The following LYPD6 variants were observed in gnomAD, a reference collection of about 807,000 sequenced individuals.
The protein encoded by LYPD6 is ly6/PLAUR domain-containing protein 6.
In LYPD6, 15 loss-of-function variants were observed where a neutral mutation model predicts 22.7. That is an observed-to-expected ratio of 0.66 (90% CI 0.44 to 1.02). The LOEUF (loss-of-function observed/expected upper bound fraction) is 1.02. Among genes scored for constraint, LYPD6 ranks in the 50% least tolerant of loss-of-function variants. LYPD6 has a pLI of 0.00. For missense variants in LYPD6, 189 were observed against 208.4 expected, an observed-to-expected ratio of 0.91 and a Z score of 0.57; for synonymous variants, 72 against 77.5, an observed-to-expected ratio of 0.93 and a Z score of 0.37.
chr2:149,372,956 T>C (rs1246224285), intron 1 of LYPD6, among the ~76,000 whole-genome samples: 2 of 152,182 alleles, frequency 1.3e-5, no homozygotes, highest in African/African-American at 4.8e-5. Context: ...AGTGTAAACC[T>C]TTCTGGAGTT....
At chr2:149,333,742 C>A (rs1035071714) in intron 1 of LYPD6, among the ~76,000 whole-genome samples, 4 of 152,136 alleles carry the variant, frequency 2.6e-5, no homozygotes, top group Non-Finnish European at 5.9e-5. Context: ...TGGGATGGGA[C>A]CTTACACCTA....
At chr2:149,369,572 C>T (rs997345899) in intron 1 of LYPD6, among the ~76,000 whole-genome samples, 1 of 152,074 alleles carries the variant, frequency 6.6e-6, no homozygotes, top group Non-Finnish European at 1.5e-5. Context: ...TGAGGGCCCA[C>T]CCTGGCTGTA....
chr2:149,407,338 G>A (rs569249044), intron 1 of LYPD6, among the ~76,000 whole-genome samples: 52 of 152,250 alleles, frequency 3.4e-4, no homozygotes, highest in Middle Eastern at 3.4e-3. Context: ...TTTCCAACTT[G>A]GTTCCATCCT....
In LYPD6 at chr2:149,336,928, C is replaced by CTTT. The variant is rs59618488; in HGVS notation, c.-72+6206_-72+6207insTTT. 3.4e-5 allele frequency among the ~76,000 whole-genome samples: 5 copies of CTTT among 148,566 alleles called. No individual in the cohort carries two copies. The East Asian group carries it at 9.9e-4, about 30-fold the overall frequency. On this transcript the variant is annotated intron_variant, in intron 1 of 4. Coordinates refer to ENST00000334166, the MANE Select transcript of LYPD6 (RefSeq NM_194317.5). Reference sequence around the variant, plus strand: ...TAAAAAGGGCAGCATGTTGAAATAACGTGTGTGTGTGTGTGTGTGTGTGTG... The same window carrying CTTT: ...TAAAAAGGGCAGCATGTTGAAATAACTTTGTGTGTGTGTGTGTGTGTGTGTGTG...
At chr2:149,437,868 A>T in intron 2 of LYPD6, 42 bp downstream of exon 2, 1 of 1,604,216 alleles carries the variant, frequency 6.2e-7, no homozygotes, top group East Asian at 2.2e-5. Flanking sequence ...ACTTTATTTC[A>T]AATAAGAAGT....
intron 1 of LYPD6, among the ~76,000 whole-genome samples, chr2:149,346,011 A>G (rs540693543): frequency 6.6e-6 from 1 of 152,228 alleles, no homozygotes; most frequent in South Asian, 2.1e-4. Flanking sequence ...TACTAGTCTC[A>G]AGCCCTGGCA....
chr2:149,382,608 A>G (rs1454331971), intron 1 of LYPD6, among the ~76,000 whole-genome samples: 2 of 152,142 alleles, frequency 1.3e-5, no homozygotes, highest in African/African-American at 4.8e-5. Context: ...ATTACTCTCT[A>G]TACCATAAAT....
intron 1 of LYPD6, among the ~76,000 whole-genome samples, chr2:149,421,509 G>C (rs1683079121): frequency 6.6e-6 from 1 of 151,548 alleles, no homozygotes; most frequent in African/African-American, 2.4e-5. Flanking sequence ...ATTACAGAAA[G>C]CACCTATGGA....
At chr2:149,392,468 G>A (rs1179113175) in intron 1 of LYPD6, among the ~76,000 whole-genome samples, 1 of 152,172 alleles carries the variant, frequency 6.6e-6, no homozygotes, top group Admixed American at 6.5e-5. Flanking sequence ...AGTGGGACTT[G>A]TGAATGCTTG....
chr2:149,458,268 G>A (rs1681011231), intron 3 of LYPD6, among the ~76,000 whole-genome samples: 1 of 152,176 alleles, frequency 6.6e-6, no homozygotes, highest in African/African-American at 2.4e-5. Flanking sequence ...TGGAGACCGT[G>A]TTAGGGAGCC....
chr2:149,449,205 T>C, intron 3 of LYPD6, 58 bp downstream of exon 3: 1 of 1,186,380 alleles, frequency 8.4e-7, no homozygotes, highest in Non-Finnish European at 1.2e-6. Flanking sequence ...GAACAGCCCT[T>C]TTGACTTTGG....
chr2:149,337,290 C>A (rs567113536), intron 1 of LYPD6, among the ~76,000 whole-genome samples: 1 of 152,240 alleles, frequency 6.6e-6, no homozygotes, highest in Non-Finnish European at 1.5e-5. Flanking sequence ...ATAAGAGTTT[C>A]TAGGGCCCAT....
chr2:149,447,360 AAGGCAGGAAG>A, intron 2 of LYPD6, among the ~76,000 whole-genome samples: 1 of 152,262 alleles, frequency 6.6e-6, no homozygotes, highest in South Asian at 2.1e-4. Context: ...GTTCCTTCTG[AAGGCAGGAAG>A]AGGCAACTCA....
At chr2:149,412,922 A>G (rs866644889) in intron 1 of LYPD6, among the ~76,000 whole-genome samples, 1 of 152,206 alleles carries the variant, frequency 6.6e-6, no homozygotes, top group South Asian at 2.1e-4. Context: ...TGCTCTCCAT[A>G]CTACCTTTTG....
rs370334749 is a variant in LYPD6 at position 149,387,902 on chromosome 2, C to A, written c.-71-49736C>A. The stretch of plus-strand genomic sequence containing the variant: ...CTTGGCCTATGGAAGGTGGGGTCTA[C>A]ATGAAATATGACCTTGGTGTTATAC... On this transcript the variant is annotated intron_variant, in intron 1 of 4. Coordinates refer to ENST00000334166, the MANE Select transcript of LYPD6 (RefSeq NM_194317.5). Among the ~76,000 whole-genome samples, 8 of 152,202 alleles carry A rather than the reference C, an allele frequency of 5.3e-5. No homozygotes were observed. The East Asian group carries it at 7.7e-4, about 15-fold the overall frequency.
At chr2:149,349,803 G>GTCT in intron 1 of LYPD6, among the ~76,000 whole-genome samples, 1 of 152,100 alleles carries the variant, frequency 6.6e-6, no homozygotes, top group Non-Finnish European at 1.5e-5. Flanking sequence ...AGGTCATCTT[G>GTCT]TCTTTCAAAA....
At chr2:149,355,872 A>G (rs749299875) in intron 1 of LYPD6, among the ~76,000 whole-genome samples, 1 of 151,886 alleles carries the variant, frequency 6.6e-6, no homozygotes, top group Non-Finnish European at 1.5e-5. Context: ...TTTCTCTTTC[A>G]CTTGACTTAC....
intron 1 of LYPD6, among the ~76,000 whole-genome samples, chr2:149,369,947 G>T (rs945503455): frequency 6.6e-6 from 1 of 152,108 alleles, no homozygotes; most frequent in East Asian, 1.9e-4. Flanking sequence ...ACTGATGGTT[G>T]AGATTCCCGA....
At chr2:149,335,693 A>G (rs564804495) in intron 1 of LYPD6, among the ~76,000 whole-genome samples, 2 of 152,170 alleles carry the variant, frequency 1.3e-5, no homozygotes, top group African/African-American at 4.8e-5. Flanking sequence ...AGCAACTTAC[A>G]GTCCTGCAAG....
Sources: allele counts gnomAD v4.1 joint callset (sites outside exome capture counted in the v4.1 genomes callset), GRCh38; gene constraint gnomAD v4.1.1; transcripts MANE v1.5; gene names NCBI Gene and HGNC (gene_info 2026-07-23, HGNC 2026-07-21).